Variants in ATOSA observed in about 807,000 individuals in gnomAD.
The protein encoded by ATOSA is atos homolog protein A.
the ATOSA span, among the ~76,000 whole-genome samples, chr15:52,597,723 A>C: frequency 6.6e-6 from 1 of 152,326 alleles, no homozygotes; most frequent in South Asian, 2.1e-4. Flanking sequence ...TGCAGTAGAA[A>C]ACTCTAAATC....
At chr15:52,582,116 T>C in the ATOSA span, 3 of 1,491,382 alleles carry the variant, frequency 2.0e-6, no homozygotes, top group East Asian at 5.2e-5. Flanking sequence ...ACTTGCAAAC[T>C]TGGGTACTGA....
chr15:52,583,422 T>TTCA, the ATOSA span, among the ~76,000 whole-genome samples: 17 of 149,614 alleles, frequency 1.1e-4, no homozygotes, highest in African/African-American at 3.9e-4. Context: ...CATTCATTCA[T>TTCA]GTGAGAGTCT....
At chr15:52,590,412 GAAT>G in the ATOSA span, among the ~76,000 whole-genome samples, 1 of 152,142 alleles carries the variant, frequency 6.6e-6, no homozygotes, top group South Asian at 2.1e-4. Flanking sequence ...CCCAACCGGA[GAAT>G]AATATTATAT....
chr15:52,669,568 T>C, the ATOSA span, among the ~76,000 whole-genome samples: 2 of 152,230 alleles, frequency 1.3e-5, no homozygotes, highest in Non-Finnish European at 2.9e-5. Flanking sequence ...GTTTTACAAA[T>C]AGCCTAATTT....
chr15:52,652,882 C>T, the ATOSA span, among the ~76,000 whole-genome samples: 57 of 152,272 alleles, frequency 3.7e-4, no homozygotes, highest in African/African-American at 1.3e-3. Context: ...ACTGTCTCCA[C>T]AAACTTTAAC....
At chr15:52,692,157 A>C in the ATOSA span, among the ~76,000 whole-genome samples, 1 of 152,208 alleles carries the variant, frequency 6.6e-6, no homozygotes, top group Non-Finnish European at 1.5e-5. Context: ...CAGAATCCAG[A>C]AGTGTGTTAA....
the ATOSA span, chr15:52,586,376 C>T: frequency 1.3e-5 from 2 of 152,138 alleles, no homozygotes; most frequent in African/African-American, 4.8e-5. Context: ...TAAAAGTGAT[C>T]TGACAAAGTA....
chr15:52,584,797 C>G, the ATOSA span: 2 of 1,613,664 alleles, frequency 1.2e-6, no homozygotes, highest in Non-Finnish European at 8.5e-7. Flanking sequence ...CGGATGTTCT[C>G]TTTATTAACA....
At chr15:52,600,949 C>A in the ATOSA span, 1 of 609,614 alleles carries the variant, frequency 1.6e-6, no homozygotes, top group Non-Finnish European at 2.9e-6. Context: ...TTAATAACTG[C>A]GTGTGTACAT....
At chr15:52,693,954 A>G in the ATOSA span, among the ~76,000 whole-genome samples, 1 of 151,930 alleles carries the variant, frequency 6.6e-6, no homozygotes, top group Non-Finnish European at 1.5e-5. Context: ...TCTCTCTCAT[A>G]CCTCACTCTC....
chr15:52,686,354 T>C, the ATOSA span, among the ~76,000 whole-genome samples: 1 of 152,234 alleles, frequency 6.6e-6, no homozygotes, highest in Admixed American at 6.5e-5. Context: ...CATTTCAAAA[T>C]GTGCAATATA....
the ATOSA span, among the ~76,000 whole-genome samples, chr15:52,677,161 C>T: frequency 6.6e-6 from 1 of 152,044 alleles, no homozygotes; most frequent in Admixed American, 6.5e-5. Flanking sequence ...GCATCTAATT[C>T]GTAGGATAAA....
chr15:52,695,141 T>G, the ATOSA span, among the ~76,000 whole-genome samples: 1 of 152,052 alleles, frequency 6.6e-6, no homozygotes, highest in Non-Finnish European at 1.5e-5. Flanking sequence ...GCCAGGCTGG[T>G]CTTGAACTCC....
At chr15:52,635,358 A>C in the ATOSA span, among the ~76,000 whole-genome samples, 1 of 152,240 alleles carries the variant, frequency 6.6e-6, no homozygotes, top group Non-Finnish European at 1.5e-5. Context: ...ATTTACCATG[A>C]TAGATCATAT....
chr15:52,660,736 C>T, the ATOSA span, among the ~76,000 whole-genome samples: 15 of 152,074 alleles, frequency 9.9e-5, no homozygotes, highest in Non-Finnish European at 2.1e-4. Flanking sequence ...ACTGCAACAT[C>T]CGCCTCCCGG....
chr15:52,676,763 T>C, the ATOSA span, among the ~76,000 whole-genome samples: 312 of 152,324 alleles, frequency 2.0e-3, 2 homozygotes, highest in East Asian at 0.019. Flanking sequence ...TAAAACTGCT[T>C]ATGACTGTAA....
the ATOSA span, among the ~76,000 whole-genome samples, chr15:52,661,002 T>C: frequency 5.6e-4 from 85 of 152,344 alleles, no homozygotes; most frequent in African/African-American, 2.0e-3. Flanking sequence ...ATTTCCTCAT[T>C]ACAGTAGCCC....
At chr15:52,704,547 A>G in the ATOSA span, among the ~76,000 whole-genome samples, 397 of 152,350 alleles carry the variant, frequency 2.6e-3, 4 homozygotes, top group East Asian at 0.027. Flanking sequence ...AGCAAAAGAA[A>G]CTATCATCAG....
the ATOSA span, among the ~76,000 whole-genome samples, chr15:52,623,266 G>T: frequency 1.3e-5 from 2 of 151,890 alleles, no homozygotes; most frequent in African/African-American, 2.4e-5. Flanking sequence ...GCCATTAGAG[G>T]GTTTTAACTA....
Sources: gnomAD v4.1 joint callset for allele counts (sites outside exome capture counted in the v4.1 genomes callset) on GRCh38, gnomAD v4.1.1 for gene constraint, MANE v1.5 for transcripts, NCBI Gene and HGNC (gene_info 2026-07-23, HGNC 2026-07-21) for gene names.